Variants in RALB observed in about 807,000 individuals in gnomAD.
The protein encoded by RALB is ras-related protein Ral-B.
Under a neutral mutation model 21.3 loss-of-function variants are expected in RALB, and 16 were observed. The ratio of observed to expected loss-of-function variants is 0.75; its 90% CI spans 0.51 to 1.14. The LOEUF (loss-of-function observed/expected upper bound fraction) is 1.14. Ranked by LOEUF, RALB falls within the 50% of genes most tolerant of loss-of-function variation. The pLI is 0.00. For synonymous variants in RALB, 93 were observed against 96.1 expected (o/e 0.97, Z 0.19); for missense variants, 161 against 256.2 (o/e 0.63, Z 2.54).
chr2:120,253,685 G>A (rs943953432), intron 1 of RALB: 39 of 985,362 alleles, frequency 4.0e-5, no homozygotes, highest in East Asian at 1.1e-4. Context: ...TGTCCTCTCT[G>A]TGCTCATTTC....
chr2:120,278,037 G>A (rs1352434513), intron 1 of RALB, among the ~76,000 whole-genome samples: 1 of 20,184 alleles, frequency 5.0e-5, no homozygotes, highest in Non-Finnish European at 1.3e-4. Context: ...ATGTGAGAGC[G>A]TGAGTGTGTG....
intron 1 of RALB, among the ~76,000 whole-genome samples, chr2:120,244,743 G>A (rs1482749451): frequency 2.0e-5 from 3 of 152,208 alleles, no homozygotes; most frequent in Non-Finnish European, 4.4e-5. Flanking sequence ...GCTGCTAGGA[G>A]GGATGAAAAG....
At chr2:120,280,831 A>G (rs895238655) in intron 2 of RALB, 4 of 432,796 alleles carry the variant, frequency 9.2e-6, no homozygotes, top group African/African-American at 8.3e-5. Context: ...TTTATTCTCT[A>G]TAGGAATGTT....
chr2:120,269,604 C>T (rs562994154), intron 1 of RALB, among the ~76,000 whole-genome samples: 3 of 152,274 alleles, frequency 2.0e-5, no homozygotes, highest in South Asian at 2.1e-4. Context: ...CTGATTGGTG[C>T]GTTTTACAAT....
At chr2:120,281,539 T>A (rs570425311) in intron 2 of RALB, among the ~76,000 whole-genome samples, 2 of 152,218 alleles carry the variant, frequency 1.3e-5, no homozygotes, top group South Asian at 2.1e-4. Context: ...ATGAATAAGC[T>A]TCAAACCCAA....
At position 120,285,922 on chromosome 2, in the gene RALB, G is replaced by C. The variant is rs1690122470; in HGVS notation, c.163G>C (p.Val55Leu). The C allele has an allele frequency of 6.2e-7, 1 of 1,613,902 alleles. No individual in the cohort carries two copies. The highest frequency in any genetic ancestry group is 1.3e-5 in the African/African-American group (1 of 74,906). ...CAAAGCTGACAGTTATAGAAAGAAA[G>C]TGGTTCTTGATGGGGAAGAAGTTCA... is the stretch of plus-strand genomic sequence containing the variant. ...PTKADSYRKK[V>L]VLDGEEVQID... Residue 55 changes from valine to leucine, a missense_variant, in exon 3 of 5, where the codon GTG (valine) becomes CTG (leucine). Val to Leu is a conservative substitution (Grantham distance 32). Coordinates refer to ENST00000272519, the MANE Select transcript of RALB (RefSeq NM_002881.3).
At chr2:120,280,524 G>A (rs895207752) in intron 2 of RALB, among the ~76,000 whole-genome samples, 2 of 148,666 alleles carry the variant, frequency 1.3e-5, no homozygotes, top group African/African-American at 5.0e-5. Context: ...CACAGGGAGG[G>A]GAACATCACA....
chr2:120,282,032 G>A (rs1047593756), intron 2 of RALB, among the ~76,000 whole-genome samples: 5 of 152,136 alleles, frequency 3.3e-5, no homozygotes, highest in African/African-American at 4.8e-5. Context: ...GGACAGCCCC[G>A]AACAAAGTAT....
Position 120,293,226 on chromosome 2 carries a change from A to C in RALB, c.587A>C (p.Lys196Thr). 6.2e-7 allele frequency: 1 copy of C among 1,613,728 alleles called. No individual in the cohort carries two copies. The highest frequency in any genetic ancestry group is 8.5e-7 in the Non-Finnish European group (1 of 1,179,784). The change falls in exon 5 of 5, where the codon AAG becomes ACG. Residue 196 changes from lysine to threonine, a missense_variant. Coordinates refer to ENST00000272519, the MANE Select transcript of RALB (RefSeq NM_002881.3). ...AATGGCAAGAAAAGCAGCAAGAACA[A>C]GAAAAGTTTTAAAGAAAGATGTTGC... ...DKNGKKSSKNKKSFKERCCLL is the reference protein window; with the variant it reads ...DKNGKKSSKNTKSFKERCCLL
intron 1 of RALB, among the ~76,000 whole-genome samples, chr2:120,275,399 C>T (rs1689766488): frequency 6.6e-6 from 1 of 152,228 alleles, no homozygotes; most frequent in Non-Finnish European, 1.5e-5. Flanking sequence ...TCCTTACTTT[C>T]TTTTGAGCTC....
chr2:120,279,030 C>T (rs545338783), intron 2 of RALB, among the ~76,000 whole-genome samples: 2 of 152,310 alleles, frequency 1.3e-5, no homozygotes, highest in Non-Finnish European at 2.9e-5. Context: ...TGTTATACTT[C>T]GAGCTTTCTT....
rs559368262 is a variant in RALB, at chr2:120,278,551, A to G, written c.-47-67A>G. 9 of 1,315,558 alleles carry G rather than the reference A, an allele frequency of 6.8e-6. No individual in the cohort carries two copies. The East Asian group carries it at 2.4e-4, about 35-fold the overall frequency. The allele number at this position is 1,315,558 out of a possible 1,614,324, so 81.5% of individuals were successfully genotyped here. ...TAGTTAGGCTTTAATGGAGGATGTGAATGACATTTGGTTTTAGCTAGGTTG... is the reference window on the plus strand; with the variant it reads ...TAGTTAGGCTTTAATGGAGGATGTGGATGACATTTGGTTTTAGCTAGGTTG... On this transcript the variant is annotated intron_variant, in intron 1 of 4. Transcript: ENST00000272519.
chr2:120,281,434 T>G (rs1386654180), intron 2 of RALB, among the ~76,000 whole-genome samples: 1 of 152,348 alleles, frequency 6.6e-6, no homozygotes, highest in African/African-American at 2.4e-5. Context: ...CTTTAAAACT[T>G]TATAATGGAT....
At chr2:120,263,805 T>C (rs1266244279) in intron 1 of RALB, among the ~76,000 whole-genome samples, 4 of 151,532 alleles carry the variant, frequency 2.6e-5, no homozygotes, top group African/African-American at 4.9e-5. Flanking sequence ...GCTGGGATTA[T>C]AGGCATGAGC....
chr2:120,267,042 G>C (rs1689521081), intron 1 of RALB, among the ~76,000 whole-genome samples: 1 of 152,118 alleles, frequency 6.6e-6, no homozygotes, highest in African/African-American at 2.4e-5. Flanking sequence ...TTAAATTATA[G>C]GTGATCCTCC....
At chr2:120,241,893 A>T (rs896938002) in intron 1 of RALB, among the ~76,000 whole-genome samples, 1 of 152,224 alleles carries the variant, frequency 6.6e-6, no homozygotes, top group African/African-American at 2.4e-5. Flanking sequence ...AATTAACATA[A>T]GATCTGGCAG....
At chr2:120,263,169 G>T (rs1158937852) in intron 1 of RALB, among the ~76,000 whole-genome samples, 1 of 152,224 alleles carries the variant, frequency 6.6e-6, no homozygotes, top group East Asian at 1.9e-4. Context: ...GTATTAGAGT[G>T]ATATTTATTT....
At chr2:120,256,224 G>A (rs1689195860) in intron 1 of RALB, among the ~76,000 whole-genome samples, 1 of 152,030 alleles carries the variant, frequency 6.6e-6, no homozygotes, top group Non-Finnish European at 1.5e-5. Context: ...GCTGTTGGCT[G>A]GAGGCCTCAG....
chr2:120,240,209 A>G, intron 1 of RALB: 1 of 1,253,600 alleles, frequency 8.0e-7, no homozygotes, highest in Non-Finnish European at 1.0e-6. Flanking sequence ...TCATTTGCCA[A>G]AGGAAGCTCA....
Sources: allele counts gnomAD v4.1 joint callset (sites outside exome capture counted in the v4.1 genomes callset), GRCh38; gene constraint gnomAD v4.1.1; transcripts MANE v1.5; gene names NCBI Gene and HGNC (gene_info 2026-07-23, HGNC 2026-07-21).